The following TRIM11 variants were observed in gnomAD, a reference collection of about 807,000 sequenced individuals.
TRIM11 encodes the protein E3 ubiquitin-protein ligase TRIM11.
In TRIM11, 15 loss-of-function variants were observed where a neutral mutation model predicts 33.4. The observed-to-expected ratio is 0.45, with a 90% CI of 0.30 to 0.69. The LOEUF (loss-of-function observed/expected upper bound fraction) is 0.69. TRIM11 is among the 30% of genes least tolerant of loss of function. The pLI is 0.08. For missense variants in TRIM11, 499 were observed against 667.6 expected (o/e 0.75, Z 2.78); for synonymous variants, 281 against 302.6 (o/e 0.93, Z 0.74).
In TRIM11 at chr1:228,401,878, T is replaced by C. The variant is rs1656238715; in HGVS notation, c.504+188A>G. On this transcript the variant is annotated intron_variant, in intron 2 of 5. Transcript: ENST00000284551. This position sits in a 1 kb window ranked among gnomAD's most constrained non-coding sequence, Gnocchi z 6.1. ...AGTATGGGAGCCCACGCCCACGACC[T>C]GGCAGGACAGGTGCACGTGGGAAAG... Among the ~76,000 whole-genome samples the C allele has an allele frequency of 6.6e-6, 1 of 151,978 alleles. No homozygotes were observed. Among genetic ancestry groups the C allele is most frequent in the Non-Finnish European group, 1.5e-5 (1 of 67,982 alleles).
chr1:228,394,683 G>T lies in TRIM11; in HGVS notation c.*22C>A. On this transcript the variant is annotated 3_prime_UTR_variant, in exon 6 of 6. Coordinates refer to ENST00000284551, the MANE Select transcript of TRIM11 (RefSeq NM_145214.3). The surrounding 1 kb of genome is among the most constrained non-coding windows in gnomAD (Gnocchi z 6.2). Reference sequence around the variant, plus strand: ...CCTGGAGGGGCAGGAGAGGCAACAGGACTCCTCCAGGAGGGCCCGAGTCAC... The same window carrying T: ...CCTGGAGGGGCAGGAGAGGCAACAGTACTCCTCCAGGAGGGCCCGAGTCAC... 1 of 1,565,926 alleles carries T rather than the reference G, an allele frequency of 6.4e-7. No homozygotes were observed. The highest frequency in any genetic ancestry group is 8.7e-7 in the Non-Finnish European group (1 of 1,152,920).
At chr1:228,397,284 G>A in intron 3 of TRIM11, 119 bp from the exon 4 acceptor site, 4 of 1,246,658 alleles carry the variant, frequency 3.2e-6, no homozygotes, top group Admixed American at 2.4e-5. Context: ...GCGTCAGGCA[G>A]CAAAAACACA....
At position 228,406,083 on chromosome 1, in the gene TRIM11, T is replaced by TAC; in HGVS notation, c.408+70_408+71insGT. The TAC allele has an allele frequency of 3.1e-5, 28 of 917,842 alleles. No homozygotes were observed. The highest frequency in any genetic ancestry group is 4.9e-5 in the South Asian group (2 of 40,528). 56.9% of individuals were successfully genotyped at this position (917,842 alleles called of 1,614,324 possible). A position where few individuals can be genotyped will look rare whatever the true frequency, so the allele number is the denominator to read the frequency against. On this transcript the variant is annotated intron_variant, in intron 1 of 5. Coordinates refer to ENST00000284551, the MANE Select transcript of TRIM11 (RefSeq NM_145214.3). The surrounding 1 kb of genome is among the most constrained non-coding windows in gnomAD (Gnocchi z 8.2). ...TACTCCCGGAGCAGTCCCCCAAACC[T>TAC]CCCACCCGCCCAGGCCTCCCCAGTC...
At chr1:228,397,962 C>T (rs2075001286) in intron 3 of TRIM11, among the ~76,000 whole-genome samples, 1 of 152,184 alleles carries the variant, frequency 6.6e-6, no homozygotes, top group Admixed American at 6.5e-5. Context: ...CCAGCTTTGA[C>T]CTCAGTCTTC....
In TRIM11 at chr1:228,406,313, C is replaced by T. The variant is rs1448541855; in HGVS notation, c.249G>A (p.Pro83=). 6.8e-7 allele frequency: 1 copy of T among 1,468,514 alleles called. No individual in the cohort carries two copies. The highest frequency in any genetic ancestry group is 2.8e-5 in the East Asian group (1 of 36,184). 91.0% of individuals were successfully genotyped at this position (1,468,514 alleles called of 1,614,324 possible). Residue 83 remains proline, a synonymous_variant, in exon 1 of 6, where the codon CCG becomes CCA. Coordinates refer to ENST00000284551, the MANE Select transcript of TRIM11 (RefSeq NM_145214.3). The surrounding 1 kb of genome is among the most constrained non-coding windows in gnomAD (Gnocchi z 8.2). ...ACACGCCCTGCGGGACCGGCGACGGCGGGTGCAGGCGCCGCGCCATCTCGG... is the reference window on the plus strand; with the variant it reads ...ACACGCCCTGCGGGACCGGCGACGGTGGGTGCAGGCGCCGCGCCATCTCGG... ...KMAEMARRLH[P]PSPVPQGVCP... is the part of the protein sequence containing the mutation.
At chr1:228,405,260 T>C (rs1300022273) in intron 1 of TRIM11, 2 of 152,282 alleles carry the variant, frequency 1.3e-5, no homozygotes, top group African/African-American at 4.8e-5. Context: ...TTCAGATTTA[T>C]TCTAGTATCC....
chr1:228,396,762 T>A (rs1303852693), intron 5 of TRIM11, 185 bp downstream of exon 5: 6 of 722,740 alleles, frequency 8.3e-6, no homozygotes, highest in Non-Finnish European at 1.5e-5. Flanking sequence ...AATTGTTTGG[T>A]GTGAAAATAC....
chr1:228,401,834 C>T lies in TRIM11; in HGVS notation c.504+232G>A, dbSNP rs1234248427. Among the ~76,000 whole-genome samples, 2 of 152,148 alleles carry T rather than the reference C, an allele frequency of 1.3e-5. No homozygotes were observed. Among genetic ancestry groups the T allele is most frequent in the African/African-American group, 2.4e-5 (1 of 41,426 alleles). On this transcript the variant is annotated intron_variant, in intron 2 of 5. Coordinates refer to ENST00000284551, the MANE Select transcript of TRIM11 (RefSeq NM_145214.3). The surrounding 1 kb of genome is among the most constrained non-coding windows in gnomAD (Gnocchi z 6.1). Reference sequence around the variant, plus strand: ...AGTTGCCACCCAAGCATGCTGGGACCCCAGGATGGGGCCCTTGCAGTATGG... The same window carrying T: ...AGTTGCCACCCAAGCATGCTGGGACTCCAGGATGGGGCCCTTGCAGTATGG...
chr1:228,397,817 T>G (rs1458934539), intron 3 of TRIM11: 1 of 152,158 alleles, frequency 6.6e-6, no homozygotes, highest in Non-Finnish European at 1.5e-5. Context: ...GCCATTAGGG[T>G]GGGCTGCAAT....
Position 228,405,223 on chromosome 1 carries a change from C to A in TRIM11, c.408+931G>T, listed in dbSNP as rs1656362201. The A allele has an allele frequency of 2.0e-5, 3 of 152,246 alleles. No homozygotes were observed. The South Asian group carries it at 6.2e-4, about 31-fold the overall frequency. The allele number at this position is 152,246 out of a possible 1,614,324, so 9.4% of individuals were successfully genotyped here. On this transcript the variant is annotated intron_variant, in intron 1 of 5. Transcript: ENST00000284551. ...GATATGGCTCTAAACCACCTTTCTG[C>A]TAAAATCCAAAGCAGAAGGGGACAG...
At chr1:228,397,484 C>T (rs914949854) in intron 3 of TRIM11, 15 of 395,336 alleles carry the variant, frequency 3.8e-5, no homozygotes, top group South Asian at 2.2e-4. Flanking sequence ...CCCAAGTGGG[C>T]GCCTCTGGGT....
At position 228,406,024 on chromosome 1, in the gene TRIM11, C is replaced by A; in HGVS notation, c.408+130G>T. ...CCCCTCACAGGCCCACAGCAGGCTG[C>A]ATCCTGAGCTCCCCGCCCTAGACAG... On this transcript the variant is annotated intron_variant, in intron 1 of 5. Transcript: ENST00000284551. The surrounding 1 kb of genome is among the most constrained non-coding windows in gnomAD (Gnocchi z 8.2). 9.2e-7 allele frequency: 1 copy of A among 1,089,922 alleles called. No homozygotes were observed. The highest frequency in any genetic ancestry group is 3.2e-5 in the East Asian group (1 of 30,814). 67.5% of individuals were successfully genotyped at this position (1,089,922 alleles called of 1,614,324 possible). A position where few individuals can be genotyped will look rare whatever the true frequency, so the allele number is the denominator to read the frequency against.
rs2074965038 is a variant in TRIM11, at chr1:228,394,843, C to T, written c.1269G>A (p.Gly423=). 6.2e-7 allele frequency: 1 copy of T among 1,614,020 alleles called. No individual in the cohort carries two copies. The highest frequency in any genetic ancestry group is 8.5e-7 in the Non-Finnish European group (1 of 1,179,996). Residue 423 remains glycine, a synonymous_variant, in exon 6 of 6, where the codon GGG becomes GGA. Coordinates refer to ENST00000284551, the MANE Select transcript of TRIM11 (RefSeq NM_145214.3). The surrounding 1 kb of genome is among the most constrained non-coding windows in gnomAD (Gnocchi z 6.2). ...GHLSFYSATD[G]SLLFIFPEIP... ...TCTCGGGAAAGATGAATAGCAGTGA[C>T]CCATCGGTGGCACTGTAGAAAGAGA... is the stretch of plus-strand genomic sequence containing the variant.
intron 3 of TRIM11, among the ~76,000 whole-genome samples, chr1:228,399,168 C>T (rs900925281): frequency 5.3e-5 from 8 of 152,068 alleles, no homozygotes; most frequent in African/African-American, 1.9e-4. Flanking sequence ...GGTTGGGTTC[C>T]CCTACCCAAC....
chr1:228,395,253 C>G lies in TRIM11; in HGVS notation c.860-1G>C. The stretch of plus-strand genomic sequence containing the variant: ...GTGTCCGGGTCCAAGGTCACGTCCC[C>G]TGCAGAGAGAGGCCCAAGGTCACCC... On this transcript the variant is annotated splice_acceptor_variant, in intron 5 of 5. Coordinates refer to ENST00000284551, the MANE Select transcript of TRIM11 (RefSeq NM_145214.3). LOFTEE classifies it high-confidence loss of function. This position sits in a 1 kb window ranked among gnomAD's most constrained non-coding sequence, Gnocchi z 4.8. 1.4e-6 allele frequency: 2 copies of G among 1,453,834 alleles called. No individual in the cohort carries two copies. Among genetic ancestry groups the G allele is most frequent in the South Asian group, 1.5e-5 (1 of 67,122 alleles). The allele number at this position is 1,453,834 out of a possible 1,614,324, so 90.1% of individuals were successfully genotyped here. A position where few individuals can be genotyped will look rare whatever the true frequency, so the allele number is the denominator to read the frequency against.
intron 3 of TRIM11, among the ~76,000 whole-genome samples, chr1:228,399,509 A>T (rs188365680): frequency 7.3e-6 from 1 of 136,408 alleles, no homozygotes; most frequent in African/African-American, 2.8e-5. Context: ...GCATCTTCAC[A>T]CAAACCCTGT....
Position 228,406,713 on chromosome 1 carries a change from G to GT in TRIM11, c.-153_-152insA. On this transcript the variant is annotated 5_prime_UTR_variant, in exon 1 of 6. Coordinates refer to ENST00000284551, the MANE Select transcript of TRIM11 (RefSeq NM_145214.3). The surrounding 1 kb of genome is among the most constrained non-coding windows in gnomAD (Gnocchi z 8.2). Reference sequence around the variant, plus strand: ...CGGGACTCCCGGGTGCTCGGGCTCCGGGGCGCGGGGACTCCAGGGCGCAGG... The same window carrying GT: ...CGGGACTCCCGGGTGCTCGGGCTCCGTGGGCGCGGGGACTCCAGGGCGCAGG... The GT allele has an allele frequency of 1.5e-6, 1 of 679,066 alleles. No individual in the cohort carries two copies. Among genetic ancestry groups the GT allele is most frequent in the Non-Finnish European group, 2.1e-6 (1 of 478,080 alleles). 42.1% of individuals were successfully genotyped at this position (679,066 alleles called of 1,614,324 possible). A position where few individuals can be genotyped will look rare whatever the true frequency, so the allele number is the denominator to read the frequency against.
In TRIM11 at chr1:228,394,717, C is replaced by T; in HGVS notation, c.1395G>A (p.Leu465=). 6.3e-7 allele frequency: 1 copy of T among 1,599,916 alleles called. No individual in the cohort carries two copies. The highest frequency in any genetic ancestry group is 8.5e-7 in the Non-Finnish European group (1 of 1,170,296). Residue 465 remains leucine, a synonymous_variant, in exon 6 of 6, where the codon CTG becomes CTA. Coordinates refer to ENST00000284551, the MANE Select transcript of TRIM11 (RefSeq NM_145214.3). This position sits in a 1 kb window ranked among gnomAD's most constrained non-coding sequence, Gnocchi z 6.2. The part of the protein sequence containing the change: ...CRPKGGSGDT[L]APQ Reference sequence around the variant, plus strand: ...AGGAGGGCCCGAGTCACTGGGGAGCCAGGGTGTCCCCGGACCCACCTTTCG... The same window carrying T: ...AGGAGGGCCCGAGTCACTGGGGAGCTAGGGTGTCCCCGGACCCACCTTTCG...
chr1:228,399,208 C>T (rs2075010766), intron 3 of TRIM11, among the ~76,000 whole-genome samples: 1 of 152,164 alleles, frequency 6.6e-6, no homozygotes, highest in African/African-American at 2.4e-5. Context: ...GCCATCCCCA[C>T]CTGTCCCTCT....
Sources: gnomAD v4.1 joint callset for allele counts (sites outside exome capture counted in the v4.1 genomes callset) on GRCh38, gnomAD v4.1.1 for gene constraint, Gnocchi (gnomAD v3.1) non-coding constraint, MANE v1.5 for transcripts, NCBI Gene and HGNC (gene_info 2026-07-23, HGNC 2026-07-21) for gene names.